The following SC5D variants were observed in gnomAD, a reference collection of about 807,000 sequenced individuals.
The protein encoded by SC5D is lathosterol oxidase.
A neutral mutation model predicts 23.9 loss-of-function variants in SC5D; 21 were observed. That is an observed-to-expected ratio of 0.88 (90% confidence interval 0.62 to 1.26). The LOEUF (loss-of-function observed/expected upper bound fraction) is 1.26. SC5D is among the 50% of genes most tolerant of loss of function. The pLI is 0.00. For synonymous variants in SC5D, 113 were observed against 125.9 expected (o/e 0.90, Z 0.68); for missense variants, 309 against 364.8 (o/e 0.85, Z 1.25).
rs966240262 is a variant in SC5D at position 121,310,606 on chromosome 11, C to T, written c.*3094C>T. Reference sequence around the variant, plus strand: ...CCGAGTAGCTGGGACTACAGGTGCCCGCCACCACCACGCCCGGCTAATTTT... The same window carrying T: ...CCGAGTAGCTGGGACTACAGGTGCCTGCCACCACCACGCCCGGCTAATTTT... On this transcript the variant is annotated 3_prime_UTR_variant, in exon 5 of 5. Transcript: ENST00000264027. Among the ~76,000 whole-genome samples the T allele has an allele frequency of 7.9e-5, 12 of 151,788 alleles. No individual in the cohort carries two copies. The highest frequency in any genetic ancestry group is 1.8e-4 in the Non-Finnish European group (12 of 67,914).
At chr11:121,298,763 A>G (rs1947906806) in intron 1 of SC5D, among the ~76,000 whole-genome samples, 2 of 152,212 alleles carry the variant, frequency 1.3e-5, no homozygotes, top group Admixed American at 6.5e-5. Flanking sequence ...TGTGTGAGCA[A>G]TAAAGCTTTT....
chr11:121,303,490 A>G lies in SC5D; in HGVS notation c.115A>G (p.Asn39Asp), dbSNP rs760519059. The change falls in exon 2 of 5, where the codon AAT (asparagine) becomes GAT (aspartate). Residue 39 changes from asparagine to aspartate, a missense_variant. Asn to Asp is a conservative substitution (Grantham distance 23, BLOSUM62 1). Coordinates refer to ENST00000264027, the MANE Select transcript of SC5D (RefSeq NM_006918.5). ...AGCTATTAGTCTTCTGATTGTAACA[A>G]ATGTTGGTGCTTACATCCTTTATTT... is the stretch of plus-strand genomic sequence containing the variant. ...RQAISLLIVTNVGAYILYFFC... is the reference protein window; with the variant it reads ...RQAISLLIVTDVGAYILYFFC... 2 of 1,613,968 alleles carry G rather than the reference A, an allele frequency of 1.2e-6. No individual in the cohort carries two copies. Among genetic ancestry groups the G allele is most frequent in the Non-Finnish European group, 1.7e-6 (2 of 1,179,934 alleles).
At chr11:121,305,423 C>T (rs1358386475) in intron 3 of SC5D, 1 of 151,904 alleles carries the variant, frequency 6.6e-6, no homozygotes, top group African/African-American at 2.4e-5. Flanking sequence ...AGCACCCCCA[C>T]ACTTTAAGTA....
At chr11:121,299,391 T>C (rs1042643265) in intron 1 of SC5D, among the ~76,000 whole-genome samples, 1 of 152,202 alleles carries the variant, frequency 6.6e-6, no homozygotes, top group Non-Finnish European at 1.5e-5. Context: ...GTATTTAACT[T>C]TGATTTTATA....
chr11:121,301,936 C>T (rs533251067), intron 1 of SC5D, among the ~76,000 whole-genome samples: 1 of 152,112 alleles, frequency 6.6e-6, no homozygotes, highest in African/African-American at 2.4e-5. Flanking sequence ...CTTACATTAA[C>T]AAACACCGTA....
In SC5D at chr11:121,312,502, C is replaced by A. The variant is rs1428209695; in HGVS notation, c.*4990C>A. ...TGATAAGAGATTTAATATTTTGATC[C>A]AACTACCAAAAAAGCAGACTTGTGT... On this transcript the variant is annotated 3_prime_UTR_variant, in exon 5 of 5. Transcript: ENST00000264027. Among the ~76,000 whole-genome samples, 1 of 151,874 alleles carries A rather than the reference C, an allele frequency of 6.6e-6. No individual in the cohort carries two copies. Among genetic ancestry groups the A allele is most frequent in the African/African-American group, 2.4e-5 (1 of 41,346 alleles).
rs1360431539 is a variant in SC5D at position 121,312,579 on chromosome 11, A to C, written c.*5067A>C. ...ACAACTCACGATTCAAACAAAGACA[A>C]AATAGCATATCAAAAGTTAATCACT... On this transcript the variant is annotated 3_prime_UTR_variant, in exon 5 of 5. Coordinates refer to ENST00000264027, the MANE Select transcript of SC5D (RefSeq NM_006918.5). Among the ~76,000 whole-genome samples, 1 of 152,176 alleles carries C rather than the reference A, an allele frequency of 6.6e-6. No individual in the cohort carries two copies. The highest frequency in any genetic ancestry group is 1.5e-5 in the Non-Finnish European group (1 of 68,008).
At chr11:121,304,154 T>A in intron 2 of SC5D, 1 of 517,810 alleles carries the variant, frequency 1.9e-6, no homozygotes, top group South Asian at 2.2e-5. Context: ...GTTTCAGAAT[T>A]TGAAATACTT....
intron 2 of SC5D, 131 bp from the exon 3 acceptor site, chr11:121,304,230 T>C: frequency 2.7e-6 from 2 of 746,222 alleles, no homozygotes; most frequent in Non-Finnish European, 4.5e-6. Context: ...TTTAAAATTT[T>C]AATAGAAACA....
Position 121,307,383 on chromosome 11 carries a change from TTCA to T in SC5D, c.774_776del (p.Ser259del). 1 of 1,613,930 alleles carries T rather than the reference TTCA, an allele frequency of 6.2e-7. No individual in the cohort carries two copies. The highest frequency in any genetic ancestry group is 8.5e-7 in the Non-Finnish European group (1 of 1,179,828). Reference sequence around the variant, plus strand: ...GGATTGGCGGCTCATTCAAAAATCCTTCATCCTTTGAGGGGAAGGGACCGCTCA... The same window carrying T: ...GGATTGGCGGCTCATTCAAAAATCCTTCCTTTGAGGGGAAGGGACCGCTCA... On this transcript the variant is annotated inframe_deletion, in exon 5 of 5. Coordinates refer to ENST00000264027, the MANE Select transcript of SC5D (RefSeq NM_006918.5).
At chr11:121,300,774 G>T (rs1231681487) in intron 1 of SC5D, among the ~76,000 whole-genome samples, 1 of 152,210 alleles carries the variant, frequency 6.6e-6, no homozygotes, top group East Asian at 1.9e-4. Flanking sequence ...CAAGCAGTAA[G>T]TTCAGGCCAG....
rs886047869 is a variant in SC5D, at chr11:121,311,177, C to G, written c.*3665C>G. Reference sequence around the variant, plus strand: ...AAATGCCCAAGCCATGGTTAAAGTTCAATAAATACTTTGTTGAATTTATTA... The same window carrying G: ...AAATGCCCAAGCCATGGTTAAAGTTGAATAAATACTTTGTTGAATTTATTA... On this transcript the variant is annotated 3_prime_UTR_variant, in exon 5 of 5. Coordinates refer to ENST00000264027, the MANE Select transcript of SC5D (RefSeq NM_006918.5). 6.6e-6 allele frequency among the ~76,000 whole-genome samples: 1 copy of G among 152,142 alleles called. No homozygotes were observed. The highest frequency in any genetic ancestry group is 1.5e-5 in the Non-Finnish European group (1 of 68,030).
At chr11:121,294,554 CT>C (rs1420422823) in intron 1 of SC5D, among the ~76,000 whole-genome samples, 1 of 151,910 alleles carries the variant, frequency 6.6e-6, no homozygotes, top group Non-Finnish European at 1.5e-5. Flanking sequence ...TTTATATTAC[CT>C]AGTATATATT....
intron 1 of SC5D, among the ~76,000 whole-genome samples, chr11:121,298,724 T>C (rs182065417): frequency 6.9e-4 from 105 of 152,288 alleles, no homozygotes; most frequent in African/African-American, 2.5e-3. Context: ...GTCACGCACG[T>C]CCATGTGAAG....
intron 1 of SC5D, among the ~76,000 whole-genome samples, chr11:121,301,165 A>T (rs2134265731): frequency 6.6e-6 from 1 of 152,348 alleles, no homozygotes; most frequent in East Asian, 1.9e-4. Flanking sequence ...GAAAGCCCAG[A>T]TGTTGGACTT....
At chr11:121,301,483 G>C (rs972015590) in intron 1 of SC5D, among the ~76,000 whole-genome samples, 4 of 151,942 alleles carry the variant, frequency 2.6e-5, no homozygotes, top group Non-Finnish European at 5.9e-5. Flanking sequence ...CAGAGACTTG[G>C]GGACACTGTC....
At chr11:121,302,002 C>T (rs563328058) in intron 1 of SC5D, among the ~76,000 whole-genome samples, 67 of 152,070 alleles carry the variant, frequency 4.4e-4, no homozygotes, top group African/African-American at 1.4e-3. Context: ...AATGAAATGA[C>T]GGTGTGGTTT....
At chr11:121,304,189 A>T (rs1021243326) in intron 2 of SC5D, 172 bp from the exon 3 acceptor site, 1 of 606,530 alleles carries the variant, frequency 1.6e-6, no homozygotes, top group Non-Finnish European at 2.9e-6. Context: ...GTACAAAAGG[A>T]ATGATTTTCT....
intron 2 of SC5D, 121 bp downstream of exon 2, chr11:121,303,706 C>A: frequency 1.4e-6 from 1 of 731,620 alleles, no homozygotes; most frequent in Non-Finnish European, 2.3e-6. Context: ...TGGAGACCAA[C>A]CACAAATGGG....
Sources: allele counts gnomAD v4.1 joint callset (sites outside exome capture counted in the v4.1 genomes callset), GRCh38; gene constraint gnomAD v4.1.1; transcripts MANE v1.5; gene names NCBI Gene and HGNC (gene_info 2026-07-23, HGNC 2026-07-21).